Variants in GBP5 observed in about 807,000 individuals in gnomAD.
GBP5 encodes guanylate-binding protein 5.
Under a neutral mutation model 58.2 loss-of-function variants are expected in GBP5, and 48 were observed. That is an observed-to-expected ratio of 0.83 (90% confidence interval 0.65 to 1.05). GBP5 has a LOEUF of 1.05. GBP5 is among the 50% of genes least tolerant of loss of function. The pLI is 0.00. For synonymous variants in GBP5, 248 were observed against 251.8 expected (o/e 0.98, Z 0.14); for missense variants, 714 against 686.8 (o/e 1.04, Z -0.44).
In GBP5 at chr1:89,269,432, C is replaced by G. The variant is rs1368564580; in HGVS notation, c.124G>C (p.Ala42Pro). Residue 42 changes from alanine (A) to proline (P), a missense_variant, in exon 3 of 12, where the codon GCG becomes CCG. Physicochemically the swap from Ala to Pro is conservative, Grantham distance 27. Transcript: ENST00000370459. ...CCAGTGCGATAGAGGCCCACAATCG[C>G]TACCACAACTACAGGTTGCGTAATG... ...SAITQPVVVVAIVGLYRTGKS... is the reference protein window; with the variant it reads ...SAITQPVVVVPIVGLYRTGKS... 6 of 1,614,034 alleles carry G rather than the reference C, an allele frequency of 3.7e-6. No individual in the cohort carries two copies. The highest frequency in any genetic ancestry group is 5.1e-6 in the Non-Finnish European group (6 of 1,180,026).
intron 6 of GBP5, 119 bp from the exon 7 acceptor site, chr1:89,266,707 TA>T: frequency 1.9e-6 from 2 of 1,033,560 alleles, no homozygotes; most frequent in East Asian, 5.1e-5. Context: ...TCATAAACCC[TA>T]AGTAAAAAGC....
At position 89,266,575 on chromosome 1, in the gene GBP5, T is replaced by C; in HGVS notation, c.639A>G (p.Arg213=). The change falls in exon 7 of 12, where the codon AGA becomes AGG. Residue 213 remains arginine, a synonymous_variant. Transcript: ENST00000370459. ...GACGGGGCAAATTGAAATTTTGAACTCTTTGATCACTACCTGGAGAATAAA... is the reference window on the plus strand; with the variant it reads ...GACGGGGCAAATTGAAATTTTGAACCCTTTGATCACTACCTGGAGAATAAA... ...SLRPKQGSDQ[R]VQNFNLPRLC... 6.2e-7 allele frequency: 1 copy of C among 1,612,230 alleles called. No individual in the cohort carries two copies. Among genetic ancestry groups the C allele is most frequent in the Non-Finnish European group, 8.5e-7 (1 of 1,178,496 alleles).
chr1:89,264,629 A>T, intron 8 of GBP5, 57 bp downstream of exon 8: 1 of 1,491,586 alleles, frequency 6.7e-7, no homozygotes, highest in Non-Finnish European at 9.3e-7. Flanking sequence ...TTATCATTCA[A>T]AGCAATACTT....
intron 7 of GBP5, among the ~76,000 whole-genome samples, chr1:89,265,770 A>C (rs1227604728): frequency 6.6e-6 from 1 of 151,282 alleles, no homozygotes. Context: ...TAAGCAATTT[A>C]AACCAGGTTT....
Position 89,263,811 on chromosome 1 carries a change from T to C in GBP5, c.1287A>G (p.Gly429=), listed in dbSNP as rs1428920857. The C allele has an allele frequency of 6.2e-7, 1 of 1,613,690 alleles. No homozygotes were observed. Among genetic ancestry groups the C allele is most frequent in the Admixed American group, 1.7e-5 (1 of 59,972 alleles). ...TTTTCTGAATGAAGAGATTATGGCC[T>C]CCTGGCTTAGAATAAATTCCCTGCT... ...AVKQGIYSKP[G]GHNLFIQKTE... Residue 429 remains glycine (G), a synonymous_variant, in exon 9 of 12, where the codon GGA becomes GGG. Transcript: ENST00000370459.
At chr1:89,263,035 C>G (rs1650074408) in intron 9 of GBP5, 3 of 327,818 alleles carry the variant, frequency 9.2e-6, no homozygotes, top group Non-Finnish European at 1.7e-5. Flanking sequence ...CATGGTCAGT[C>G]AGAGCATGCA....
Position 89,266,416 on chromosome 1 carries a change from T to C in GBP5, c.798A>G (p.Glu266=). ...AATGGCTAAAGATGTAGGAACAGAA[T>C]TCTGTCACTTGTTGCACAAATTCAG... ...LEPEFVQQVT[E]FCSYIFSHSM... is the part of the protein sequence containing the mutation. The change falls in exon 7 of 12, where the codon GAA becomes GAG. Residue 266 remains glutamate, a synonymous_variant. Coordinates refer to ENST00000370459, the MANE Select transcript of GBP5 (RefSeq NM_052942.5). 1 of 1,614,082 alleles carries C rather than the reference T, an allele frequency of 6.2e-7. No homozygotes were observed. Among genetic ancestry groups the C allele is most frequent in the East Asian group, 2.2e-5 (1 of 44,866 alleles).
rs1214151986 is a variant in GBP5 at position 89,267,473 on chromosome 1, G to A, written c.372C>T (p.Ser124=). 1 of 1,613,878 alleles carries A rather than the reference G, an allele frequency of 6.2e-7. No homozygotes were observed. Among genetic ancestry groups the A allele is most frequent in the African/African-American group, 1.3e-5 (1 of 74,922 alleles). The change falls in exon 5 of 12, where the codon AGC becomes AGT. Residue 124 remains serine (S), a synonymous_variant. Coordinates refer to ENST00000370459, the MANE Select transcript of GBP5 (RefSeq NM_052942.5). ...TGTTCACAGTATTGTACACAAAGGTGCTGCTCAGTAAGAGTGCCAGTGCAA... is the reference window on the plus strand; with the variant it reads ...TGTTCACAGTATTGTACACAAAGGTACTGCTCAGTAAGAGTGCCAGTGCAA... ...QIFALALLLS[S]TFVYNTVNKI...
chr1:89,267,532 A>T lies in GBP5; in HGVS notation c.319-6T>A. On this transcript the variant is annotated splice_polypyrimidine_tract_variant and splice_region_variant and intron_variant, in intron 4 of 11. Coordinates refer to ENST00000370459, the MANE Select transcript of GBP5 (RefSeq NM_052942.5). Reference sequence around the variant, plus strand: ...ATATCATTCTTGTTGTCAGCCTAGAAGTCAGACCAAATTTAAGTCATGTCT... The same window carrying T: ...ATATCATTCTTGTTGTCAGCCTAGATGTCAGACCAAATTTAAGTCATGTCT... The T allele has an allele frequency of 6.3e-7, 1 of 1,595,264 alleles. No homozygotes were observed. Among genetic ancestry groups the T allele is most frequent in the Non-Finnish European group, 8.6e-7 (1 of 1,162,762 alleles).
intron 9 of GBP5, 52 bp from the exon 10 acceptor site, chr1:89,262,837 G>A (rs748318010): frequency 3.8e-6 from 4 of 1,051,234 alleles, no homozygotes; most frequent in South Asian, 1.5e-5. Flanking sequence ...GATTAGGAAT[G>A]TTGTAAACAT....
rs779435953 is a variant in GBP5, at chr1:89,264,892, G to A, written c.943C>T (p.Leu315=). ...GAGTTCTCTCTCTGAGCCAAGGCCAGGACTGCATTCTCTATGCAAGGCAGA... is the reference window on the plus strand; with the variant it reads ...GAGTTCTCTCTCTGAGCCAAGGCCAAGACTGCATTCTCTATGCAAGGCAGA... ...GDLPCIENAV[L]ALAQRENSAA... The change falls in exon 8 of 12, where the codon CTG becomes TTG. Residue 315 remains leucine, a synonymous_variant. Transcript: ENST00000370459. 3.7e-6 allele frequency: 6 copies of A among 1,614,090 alleles called. No individual in the cohort carries two copies. In the African/African-American group the frequency reaches 8.0e-5, roughly 22 times the overall value.
chr1:89,264,544 C>T, intron 8 of GBP5, 142 bp downstream of exon 8: 1 of 722,374 alleles, frequency 1.4e-6, no homozygotes, highest in Non-Finnish European at 2.3e-6. Context: ...CATTTGTTTT[C>T]AGAATAAAAG....
At chr1:89,261,489 C>T (rs1314325727) in intron 11 of GBP5, among the ~76,000 whole-genome samples, 1 of 152,180 alleles carries the variant, frequency 6.6e-6, no homozygotes, top group African/African-American at 2.4e-5. Context: ...ATTTGGAAGG[C>T]AGTTTTGTTA....
At position 89,262,783 on chromosome 1, in the gene GBP5, A is replaced by G; in HGVS notation, c.1365T>C (p.Ala455=). The change falls in exon 10 of 12, where the codon GCT becomes GCC. Residue 455 remains alanine, a splice_region_variant and synonymous_variant. Coordinates refer to ENST00000370459, the MANE Select transcript of GBP5 (RefSeq NM_052942.5). ...TTAAATATTTCTGCAGAACTTCTTC[A>G]GCCTAGCAACCCGGAAAACATGCAG... ...YYREPRKGIQ[A]EEVLQKYLKS... is the part of the protein sequence containing the mutation. 2 of 1,554,928 alleles carry G rather than the reference A, an allele frequency of 1.3e-6. No individual in the cohort carries two copies. The highest frequency in any genetic ancestry group is 2.4e-5 in the South Asian group (2 of 83,184).
intron 1 of GBP5, chr1:89,272,041 C>A (rs1650476921): frequency 6.6e-6 from 1 of 152,154 alleles, no homozygotes; most frequent in South Asian, 2.1e-4. Flanking sequence ...TTGCAAGCTA[C>A]TTACATTGCA....
intron 11 of GBP5, 107 bp from the exon 12 acceptor site, chr1:89,260,924 A>G (rs764484406): frequency 1.1e-4 from 77 of 732,012 alleles, no homozygotes; most frequent in Non-Finnish European, 1.6e-4. Flanking sequence ...CAGTTCCTGA[A>G]TATCTCTCTT....
chr1:89,266,961 C>A lies in GBP5; in HGVS notation c.621G>T (p.Lys207Asn). 1 of 1,595,244 alleles carries A rather than the reference C, an allele frequency of 6.3e-7. No individual in the cohort carries two copies. Among genetic ancestry groups the A allele is most frequent in the Non-Finnish European group, 8.5e-7 (1 of 1,174,928 alleles). The stretch of plus-strand genomic sequence containing the variant: ...TAAAACTGAAGTCCCTGTTACCTTG[C>A]TTTGGCCTTAGGGAATTCTCCAGGT... The part of the protein sequence containing the change: ...DEYLENSLRP[K>N]QGSDQRVQNF... Residue 207 changes from lysine (K) to asparagine (N), a missense_variant, in exon 6 of 12, where the codon AAG becomes AAT. By Grantham distance (94) the Lys-to-Asn change is moderately conservative (BLOSUM62 0). Coordinates refer to ENST00000370459, the MANE Select transcript of GBP5 (RefSeq NM_052942.5).
chr1:89,268,930 G>C lies in GBP5; in HGVS notation c.191-74C>G, dbSNP rs532588001. The C allele has an allele frequency of 1.5e-4, 221 of 1,490,400 alleles. 2 individuals carry two copies. The African/African-American group carries it at 2.8e-3, about 19-fold the overall frequency. 92.3% of individuals were successfully genotyped at this position (1,490,400 alleles called of 1,614,324 possible). A position where few individuals can be genotyped will look rare whatever the true frequency, so the allele number is the denominator to read the frequency against. On this transcript the variant is annotated intron_variant, in intron 3 of 11. Transcript: ENST00000370459. ...GGGGATTTGCTTGATCATTCAGCTA[G>C]AGTTTAAGGAAAGCAAGATGAGGAG...
chr1:89,272,390 T>C (rs112818241), intron 1 of GBP5, 62 bp downstream of exon 1: 1,790 of 154,104 alleles, frequency 0.012, 52 homozygotes, highest in African/African-American at 0.041. Context: ...CTATCCTTTG[T>C]AGAATGTTTC....
Sources: gnomAD v4.1 joint callset for allele counts (sites outside exome capture counted in the v4.1 genomes callset) on GRCh38, gnomAD v4.1.1 for gene constraint, MANE v1.5 for transcripts, NCBI Gene and HGNC (gene_info 2026-07-23, HGNC 2026-07-21) for gene names.